PRDM16: variants seen among roughly 807,000 people sequenced by gnomAD.
PRDM16 encodes the protein histone-lysine N-methyltransferase PRDM16.
A neutral mutation model predicts 110.6 loss-of-function variants in PRDM16; 23 were observed. The ratio of observed to expected loss-of-function variants is 0.21; its 90% CI spans 0.15 to 0.29. PRDM16 has a LOEUF of 0.29. Ranked by LOEUF, PRDM16 falls within the 10% of genes least tolerant of loss-of-function variation. The pLI, the probability that PRDM16 is intolerant of heterozygous loss-of-function variation, is 1.00. For synonymous variants in PRDM16, 799 were observed against 781.8 expected (o/e 1.02, Z -0.37); for missense variants, 1,615 against 1,794.3 (o/e 0.90, Z 1.81).
intron 1 of PRDM16, among the ~76,000 whole-genome samples, chr1:3,077,190 C>G (rs1039227400): frequency 2.0e-5 from 3 of 152,216 alleles, no homozygotes; most frequent in Non-Finnish European, 2.9e-5. Context: ...TCCTGGTCCA[C>G]GGGCCTCCTG....
intron 3 of PRDM16, among the ~76,000 whole-genome samples, chr1:3,357,597 CA>C (rs1557630872): frequency 6.6e-6 from 1 of 152,236 alleles, no homozygotes; most frequent in Non-Finnish European, 1.5e-5. Flanking sequence ...TGGAGAGGGG[CA>C]GCCGGCCCAC....
intron 3 of PRDM16, chr1:3,309,430 C>T (rs1382005595): frequency 3.3e-5 from 5 of 152,284 alleles, no homozygotes; most frequent in African/African-American, 9.7e-5. Flanking sequence ...GGGGCCTGAA[C>T]ACACTGCTCC....
intron 3 of PRDM16, among the ~76,000 whole-genome samples, chr1:3,287,792 C>T (rs75758397): frequency 0.075 from 10,563 of 140,094 alleles, 736 homozygotes; most frequent in East Asian, 0.29. Context: ...GGGCTGGAGC[C>T]GCCCCCTGCC....
chr1:3,170,823 C>A (rs1000358563), intron 1 of PRDM16, among the ~76,000 whole-genome samples: 3 of 152,248 alleles, frequency 2.0e-5, no homozygotes, highest in Admixed American at 6.5e-5. Flanking sequence ...TGCAAACCCC[C>A]AGTTTTCATC....
intron 5 of PRDM16, among the ~76,000 whole-genome samples, chr1:3,397,626 G>T (rs992260697): frequency 6.6e-6 from 1 of 152,374 alleles, no homozygotes; most frequent in East Asian, 1.9e-4. Context: ...GAACAGGAAC[G>T]CAAGCTCCCT....
In PRDM16 at chr1:3,243,576, A is replaced by AG; in HGVS notation, c.388-508dup. Among the ~76,000 whole-genome samples the AG allele has an allele frequency of 6.6e-6, 1 of 152,296 alleles. No individual in the cohort carries two copies. The highest frequency in any genetic ancestry group is 1.9e-4 in the East Asian group (1 of 5,174). On this transcript the variant is annotated intron_variant, in intron 2 of 16. Transcript: ENST00000270722. The surrounding 1 kb of genome is among the most constrained non-coding windows in gnomAD (Gnocchi z 5.5). ...GCTGGACTGTAAGCCCCCGGAGGGC[A>AG]GGGACTGCACCTCGCTGTCTCTCAC...
intron 1 of PRDM16, among the ~76,000 whole-genome samples, chr1:3,161,677 T>C (rs1161560508): frequency 1.3e-5 from 2 of 152,206 alleles, no homozygotes; most frequent in African/African-American, 2.4e-5. Flanking sequence ...CAGAGAGGGC[T>C]CCAGCCCCAG....
chr1:3,181,780 GCA>G (rs1644205396), intron 1 of PRDM16, among the ~76,000 whole-genome samples: 3 of 100,656 alleles, frequency 3.0e-5, no homozygotes, highest in African/African-American at 4.5e-5. Context: ...TCTTACACAT[GCA>G]GTCTTACACA....
chr1:3,363,755 A>G (rs1642759977), intron 3 of PRDM16, among the ~76,000 whole-genome samples: 1 of 152,112 alleles, frequency 6.6e-6, no homozygotes, highest in African/African-American at 2.4e-5. Context: ...CCAGGAGGAA[A>G]AACTCAGGAA....
chr1:3,170,344 C>G (rs1644011917), intron 1 of PRDM16, among the ~76,000 whole-genome samples: 1 of 152,204 alleles, frequency 6.6e-6, no homozygotes. Flanking sequence ...GTCCCAGGCT[C>G]TCTGGACCTG....
At position 3,436,386 on chromosome 1, in the gene PRDM16, T is replaced by G. The variant is rs534781783; in HGVS notation, c.*2575T>G. 8.7e-6 allele frequency: 2 copies of G among 230,176 alleles called. No individual in the cohort carries two copies. The highest frequency in any genetic ancestry group is 4.4e-5 in the African/African-American group (2 of 45,244). The allele number at this position is 230,176 out of a possible 1,614,324, so 14.3% of individuals were successfully genotyped here. On this transcript the variant is annotated 3_prime_UTR_variant, in exon 17 of 17. Transcript: ENST00000270722. ...TAACCGTCCTGTCTTCTCTTGGCGC[T>G]CTTTCCTTCCACCTTTCCCAAGAGT...
chr1:3,082,980 C>T (rs533599580), intron 1 of PRDM16, among the ~76,000 whole-genome samples: 16 of 152,280 alleles, frequency 1.1e-4, no homozygotes, highest in African/African-American at 2.9e-4. Context: ...GAGGTGGGGG[C>T]GCTGGAGATC....
At chr1:3,077,765 G>A (rs1366980243) in intron 1 of PRDM16, among the ~76,000 whole-genome samples, 2 of 152,124 alleles carry the variant, frequency 1.3e-5, no homozygotes, top group African/African-American at 2.4e-5. Context: ...GCCAGGCCCC[G>A]TGCGTGGACC....
At chr1:3,164,675 G>A (rs949695906) in intron 1 of PRDM16, among the ~76,000 whole-genome samples, 1 of 152,202 alleles carries the variant, frequency 6.6e-6, no homozygotes, top group Admixed American at 6.5e-5. Flanking sequence ...GGGGCTAGGA[G>A]GCGGCGTGGT....
intron 8 of PRDM16, 30 bp from the exon 9 acceptor site, chr1:3,411,354 G>T: frequency 1.9e-6 from 3 of 1,581,880 alleles, no homozygotes; most frequent in Non-Finnish European, 2.6e-6. Flanking sequence ...ATTTCATGCG[G>T]GTTTGTCTTG....
chr1:3,228,458 T>C (rs1278859315), intron 2 of PRDM16, among the ~76,000 whole-genome samples: 1 of 152,178 alleles, frequency 6.6e-6, no homozygotes, highest in Admixed American at 6.5e-5. Context: ...TTTGTGCGCC[T>C]CTCAGAGTAA....
At chr1:3,096,450 G>T (rs1017003161) in intron 1 of PRDM16, among the ~76,000 whole-genome samples, 1 of 152,196 alleles carries the variant, frequency 6.6e-6, no homozygotes, top group Non-Finnish European at 1.5e-5. Flanking sequence ...GAGGGGAGGC[G>T]ACTGGGCCTG....
chr1:3,154,178 G>A (rs1643823302), intron 1 of PRDM16, among the ~76,000 whole-genome samples: 1 of 152,138 alleles, frequency 6.6e-6, no homozygotes, highest in South Asian at 2.1e-4. Flanking sequence ...TGCCACGGTC[G>A]TGCCTGTGAC....
At chr1:3,363,433 A>T (rs1279513989) in intron 3 of PRDM16, among the ~76,000 whole-genome samples, 1 of 152,042 alleles carries the variant, frequency 6.6e-6, no homozygotes, top group Non-Finnish European at 1.5e-5. Flanking sequence ...TGGTCCCTGG[A>T]TGCTCGGGGC....
Sources: gnomAD v4.1 joint callset for allele counts (sites outside exome capture counted in the v4.1 genomes callset) on GRCh38, gnomAD v4.1.1 for gene constraint, Gnocchi (gnomAD v3.1) non-coding constraint, MANE v1.5 for transcripts, NCBI Gene and HGNC (gene_info 2026-07-23, HGNC 2026-07-21) for gene names.